Variants in NRCAM observed in about 807,000 individuals in gnomAD.
NRCAM encodes NgCAM-related cell adhesion molecule.
A neutral mutation model predicts 156.5 loss-of-function variants in NRCAM; 83 were observed. That is an observed-to-expected ratio of 0.53 (90% CI 0.44 to 0.64). The LOEUF (loss-of-function observed/expected upper bound fraction) is 0.64. Among genes scored for constraint, NRCAM ranks in the 30% least tolerant of loss-of-function variants. NRCAM has a pLI of 0.00. For missense variants in NRCAM, 1,417 were observed against 1,597.3 expected, an observed-to-expected ratio of 0.89 and a Z score of 1.92; for synonymous variants, 538 against 563.9, an observed-to-expected ratio of 0.95 and a Z score of 0.65.
chr7:108,277,486 G>T (rs973654875), intron 3 of NRCAM, among the ~76,000 whole-genome samples: 3 of 151,504 alleles, frequency 2.0e-5, no homozygotes, highest in African/African-American at 7.3e-5. Context: ...TCATTAATTT[G>T]GTCTTCAATC....
intron 2 of NRCAM, among the ~76,000 whole-genome samples, chr7:108,344,172 G>A (rs1324694716): frequency 1.3e-5 from 2 of 152,156 alleles, no homozygotes; most frequent in East Asian, 3.8e-4. Flanking sequence ...GGTACTGAGA[G>A]ACAGGACTAG....
chr7:108,188,870 G>C (rs1001373330), intron 20 of NRCAM, among the ~76,000 whole-genome samples: 10 of 64,894 alleles, frequency 1.5e-4, no homozygotes, highest in African/African-American at 4.2e-4. Context: ...TATCATTTCA[G>C]AATCATCTTA....
At chr7:108,310,969 G>T (rs2098794731) in intron 3 of NRCAM, among the ~76,000 whole-genome samples, 1 of 152,076 alleles carries the variant, frequency 6.6e-6, no homozygotes, top group South Asian at 2.1e-4. Context: ...CACGATGGAA[G>T]AAAGAAAAAA....
intron 1 of NRCAM, among the ~76,000 whole-genome samples, chr7:108,447,284 T>C (rs1209994199): frequency 1.6e-5 from 2 of 128,326 alleles, no homozygotes; most frequent in African/African-American, 5.9e-5. Context: ...TTTTTTTTTT[T>C]AGACAGCGTC....
At chr7:108,212,936 A>C (rs1366361650) in intron 11 of NRCAM, among the ~76,000 whole-genome samples, 1 of 152,208 alleles carries the variant, frequency 6.6e-6, no homozygotes, top group Admixed American at 6.5e-5. Context: ...GTCCAGGCAC[A>C]TTGTCATCAG....
At chr7:108,381,953 T>G (rs1260609739) in intron 2 of NRCAM, among the ~76,000 whole-genome samples, 1 of 152,042 alleles carries the variant, frequency 6.6e-6, no homozygotes, top group Non-Finnish European at 1.5e-5. Flanking sequence ...GCCACCCCAT[T>G]AAATAAGGAG....
chr7:108,154,412 CTTA>C (rs1227497003), intron 32 of NRCAM, among the ~76,000 whole-genome samples: 2 of 152,108 alleles, frequency 1.3e-5, no homozygotes, highest in African/African-American at 4.8e-5. Context: ...ACTAAACTCT[CTTA>C]TTATAATATT....
chr7:108,274,252 G>T (rs138458477), intron 3 of NRCAM, among the ~76,000 whole-genome samples: 3 of 152,152 alleles, frequency 2.0e-5, no homozygotes, highest in Non-Finnish European at 4.4e-5. Flanking sequence ...GAAATTTAAA[G>T]TAGTTTTTTC....
At chr7:108,155,154 C>A (rs2044542899) in intron 32 of NRCAM, among the ~76,000 whole-genome samples, 1 of 145,228 alleles carries the variant, frequency 6.9e-6, no homozygotes, top group African/African-American at 2.5e-5. Context: ...ATATAGCAGA[C>A]CTTGATTTTA....
chr7:108,416,970 C>T (rs562185802), intron 1 of NRCAM, among the ~76,000 whole-genome samples: 20 of 152,220 alleles, frequency 1.3e-4, no homozygotes, highest in Non-Finnish European at 2.6e-4. Flanking sequence ...ATTACAAACA[C>T]ATATTCTCCA....
At chr7:108,298,412 G>A (rs565663139) in intron 3 of NRCAM, among the ~76,000 whole-genome samples, 13 of 151,862 alleles carry the variant, frequency 8.6e-5, no homozygotes, top group East Asian at 3.9e-4. Flanking sequence ...TTGGGAGGCC[G>A]AGGCAGGAGG....
intron 8 of NRCAM, 42 bp downstream of exon 8, chr7:108,230,989 T>C (rs373528499): frequency 6.7e-7 from 1 of 1,488,574 alleles, no homozygotes; most frequent in Non-Finnish European, 9.3e-7. Context: ...TAAACAATCC[T>C]AAGACTTTTA....
chr7:108,151,842 G>A (rs997677894), intron 32 of NRCAM, among the ~76,000 whole-genome samples: 1 of 152,118 alleles, frequency 6.6e-6, no homozygotes, highest in Non-Finnish European at 1.5e-5. Context: ...TCAATAACAG[G>A]CAGAATTTGT....
intron 3 of NRCAM, among the ~76,000 whole-genome samples, chr7:108,251,876 C>T (rs1308302922): frequency 1.3e-5 from 2 of 152,046 alleles, no homozygotes; most frequent in Non-Finnish European, 2.9e-5. Context: ...ATTCAAAAGC[C>T]TGGCAGAAGT....
intron 3 of NRCAM, among the ~76,000 whole-genome samples, chr7:108,273,726 T>A (rs2097473320): frequency 6.6e-6 from 1 of 152,250 alleles, no homozygotes; most frequent in Admixed American, 6.5e-5. Context: ...TCTTTTGCTG[T>A]GCAGAAGCTC....
At chr7:108,439,577 G>A (rs547078528) in intron 1 of NRCAM, among the ~76,000 whole-genome samples, 138 of 152,190 alleles carry the variant, frequency 9.1e-4, no homozygotes, top group African/African-American at 2.7e-3. Context: ...CAGGCAAGCC[G>A]GGCATGGTGG....
In NRCAM at chr7:108,424,710, T is replaced by A. The variant is rs769140349; in HGVS notation, c.-331-25117A>T. Reference sequence around the variant, plus strand: ...AATAATATATTCTATCATGAAAATATCAGGGGGGAAAGAATGTACTGGAAA... The same window carrying A: ...AATAATATATTCTATCATGAAAATAACAGGGGGGAAAGAATGTACTGGAAA... On this transcript the variant is annotated intron_variant, in intron 1 of 32. Transcript: ENST00000379028. 2.0e-5 allele frequency among the ~76,000 whole-genome samples: 3 copies of A among 152,288 alleles called. No individual in the cohort carries two copies. The South Asian group carries it at 6.2e-4, about 32-fold the overall frequency.
At chr7:108,167,294 C>T (rs445372) in intron 29 of NRCAM, among the ~76,000 whole-genome samples, 87,873 of 152,056 alleles carry the variant, frequency 0.58, 30,024 homozygotes, top group East Asian at 0.82. Flanking sequence ...ATCTAGCTTG[C>T]TTATTAATTG....
Position 108,226,312 on chromosome 7 carries a change from T to C in NRCAM, c.617A>G (p.Asn206Ser), listed in dbSNP as rs577884041. 1.7e-5 allele frequency: 27 copies of C among 1,608,192 alleles called. No homozygotes were observed. Among genetic ancestry groups the C allele is most frequent in the South Asian group, 7.7e-5 (7 of 90,902 alleles). ...QGLNGDLYFS[N>S]VLPEDTREDY... Reference sequence around the variant, plus strand: ...TTCGCGGGTGTCCTCTGGGAGGACATTGGAAAAATAAAGGTCCCCATTCAA... The same window carrying C: ...TTCGCGGGTGTCCTCTGGGAGGACACTGGAAAAATAAAGGTCCCCATTCAA... The change falls in exon 9 of 33, where the codon AAT becomes AGT. Residue 206 changes from asparagine to serine, a missense_variant. Physicochemically the swap from Asn to Ser is conservative, Grantham distance 46. Coordinates refer to ENST00000379028, the MANE Select transcript of NRCAM (RefSeq NM_001037132.4).
Sources: allele counts gnomAD v4.1 joint callset (sites outside exome capture counted in the v4.1 genomes callset), GRCh38; gene constraint gnomAD v4.1.1; transcripts MANE v1.5; gene names NCBI Gene and HGNC (gene_info 2026-07-23, HGNC 2026-07-21).